ISM1: variants seen among roughly 807,000 people sequenced by gnomAD.
The protein encoded by ISM1 is isthmin-1.
ISM1 carries 25 observed loss-of-function variants against 46.3 expected under a neutral mutation model. The observed-to-expected ratio is 0.54, with a 90% confidence interval of 0.39 to 0.75. The LOEUF is 0.75. ISM1 is among the 30% of genes least tolerant of loss of function. The pLI is 0.00. For synonymous variants in ISM1, 255 were observed against 256.7 expected (o/e 0.99, Z 0.06); for missense variants, 536 against 625.4 (o/e 0.86, Z 1.52).
chr20:13,251,015 T>G (rs2039862751), intron 1 of ISM1, among the ~76,000 whole-genome samples: 1 of 152,224 alleles, frequency 6.6e-6, no homozygotes, highest in Non-Finnish European at 1.5e-5. Flanking sequence ...ATTTTATAAC[T>G]TATGACCATT....
In ISM1 at chr20:13,247,291, G is replaced by C. The variant is rs182160602; in HGVS notation, c.139-23213G>C. Among the ~76,000 whole-genome samples the C allele has an allele frequency of 5.9e-5, 9 of 152,144 alleles. No homozygotes were observed. In the East Asian group the frequency reaches 1.5e-3, roughly 26 times the overall value. ...AGAGGGCCTGGGTCTGCAATTTCTT[G>C]TTCTTCTGTGAAGTAAACTTTTCAA... is the stretch of plus-strand genomic sequence containing the variant. On this transcript the variant is annotated intron_variant, in intron 1 of 5. Coordinates refer to ENST00000262487, the MANE Select transcript of ISM1 (RefSeq NM_080826.2).
At chr20:13,258,089 T>C (rs962574547) in intron 1 of ISM1, among the ~76,000 whole-genome samples, 1 of 152,162 alleles carries the variant, frequency 6.6e-6, no homozygotes, top group African/African-American at 2.4e-5. Flanking sequence ...GGTGGTATTA[T>C]AGCTGCTATT....
chr20:13,299,403 G>A lies in ISM1; in HGVS notation c.1339G>A (p.Glu447Lys). The change falls in exon 6 of 6, where the codon GAG (glutamate) becomes AAG (lysine). Residue 447 changes from glutamate (E) to lysine (K), a missense_variant. Coordinates refer to ENST00000262487, the MANE Select transcript of ISM1 (RefSeq NM_080826.2). This position sits in a 1 kb window ranked among gnomAD's most constrained non-coding sequence, Gnocchi z 5.8. ...TCCCAACAACGGACAGAAGTGCACA[G>A]AGAGCCCCTCGGACGAGGACTACAT... Reference protein sequence around the residue: ...RPPNNGQKCTESPSDEDYIKQ... With the variant: ...RPPNNGQKCTKSPSDEDYIKQ... The A allele has an allele frequency of 1.2e-6, 2 of 1,612,632 alleles. No homozygotes were observed. Among genetic ancestry groups the A allele is most frequent in the Non-Finnish European group, 1.7e-6 (2 of 1,179,862 alleles).
intron 2 of ISM1, among the ~76,000 whole-genome samples, chr20:13,276,621 G>A (rs2040183068): frequency 6.6e-6 from 1 of 152,184 alleles, no homozygotes; most frequent in Non-Finnish European, 1.5e-5. Context: ...CTTCAATTAT[G>A]TGTGTTAAGG....
At chr20:13,284,995 A>C (rs536311630) in intron 3 of ISM1, among the ~76,000 whole-genome samples, 1 of 152,018 alleles carries the variant, frequency 6.6e-6, no homozygotes, top group Admixed American at 6.6e-5. Flanking sequence ...TGCTTAGAAA[A>C]CCACCCCCAG....
the ISM1 span, among the ~76,000 whole-genome samples, chr20:13,323,732 G>A: frequency 1.1e-3 from 170 of 152,230 alleles, no homozygotes; most frequent in Admixed American, 1.8e-3. Flanking sequence ...GTTCTTAAAT[G>A]AGAGTATTTA....
intron 2 of ISM1, among the ~76,000 whole-genome samples, chr20:13,274,259 T>C (rs1291529686): frequency 2.0e-5 from 3 of 152,128 alleles, no homozygotes; most frequent in African/African-American, 7.2e-5. Context: ...CTCAGAGCAC[T>C]GTTCTTTTGT....
chr20:13,256,091 T>G (rs544542495), intron 1 of ISM1, among the ~76,000 whole-genome samples: 1 of 152,206 alleles, frequency 6.6e-6, no homozygotes, highest in African/African-American at 2.4e-5. Context: ...TTGTGCCACC[T>G]TCCTCTTCAA....
chr20:13,245,917 C>G (rs978543383), intron 1 of ISM1, among the ~76,000 whole-genome samples: 1 of 152,176 alleles, frequency 6.6e-6, no homozygotes, highest in Non-Finnish European at 1.5e-5. Context: ...TTGTACCCGC[C>G]CACTCCGATG....
chr20:13,271,951 T>A (rs2040120301), intron 2 of ISM1, among the ~76,000 whole-genome samples: 1 of 152,076 alleles, frequency 6.6e-6, no homozygotes, highest in Non-Finnish European at 1.5e-5. Flanking sequence ...GCTCATTTTT[T>A]AATTTTTTGT....
the ISM1 span, among the ~76,000 whole-genome samples, chr20:13,307,639 C>G: frequency 6.6e-6 from 1 of 152,184 alleles, no homozygotes; most frequent in Non-Finnish European, 1.5e-5. Context: ...GAATTTTACA[C>G]CAGATTAGTT....
chr20:13,309,673 G>A, the ISM1 span, among the ~76,000 whole-genome samples: 1 of 152,110 alleles, frequency 6.6e-6, no homozygotes, highest in East Asian at 1.9e-4. Flanking sequence ...GTTTGCAGAT[G>A]GTATTATCTT....
chr20:13,301,925 T>C (rs1029979123), downstream of ISM1, among the ~76,000 whole-genome samples: 2 of 152,112 alleles, frequency 1.3e-5, no homozygotes, highest in African/African-American at 4.8e-5. Context: ...GAAGTATCTG[T>C]TGGTTCTAAT....
intron 4 of ISM1, among the ~76,000 whole-genome samples, chr20:13,290,320 C>T (rs569543812): frequency 9.2e-5 from 14 of 152,044 alleles, no homozygotes; most frequent in Admixed American, 8.5e-4. Flanking sequence ...ATGAAGTAAA[C>T]GAAAATAATG....
chr20:13,230,283 G>A (rs2039574385), intron 1 of ISM1, among the ~76,000 whole-genome samples: 1 of 152,074 alleles, frequency 6.6e-6, no homozygotes, highest in South Asian at 2.1e-4. Flanking sequence ...TTAATTTCAT[G>A]TTCACTTTGT....
intron 1 of ISM1, among the ~76,000 whole-genome samples, chr20:13,256,772 A>C (rs1225708783): frequency 6.6e-6 from 1 of 152,218 alleles, no homozygotes; most frequent in Non-Finnish European, 1.5e-5. Flanking sequence ...GCAGGATTCC[A>C]AACCTCAGTT....
At chr20:13,231,574 C>T (rs2039588647) in intron 1 of ISM1, among the ~76,000 whole-genome samples, 1 of 152,160 alleles carries the variant, frequency 6.6e-6, no homozygotes, top group South Asian at 2.1e-4. Flanking sequence ...CAGCACGTGT[C>T]CCTGGAAAGT....
chr20:13,316,792 C>T, the ISM1 span, among the ~76,000 whole-genome samples: 2 of 151,336 alleles, frequency 1.3e-5, no homozygotes, highest in Non-Finnish European at 3.0e-5. Context: ...ACTTCCTCAA[C>T]TTGATAAAGA....
At chr20:13,278,220 A>T (rs2040202326) in intron 2 of ISM1, among the ~76,000 whole-genome samples, 1 of 152,164 alleles carries the variant, frequency 6.6e-6, no homozygotes, top group South Asian at 2.1e-4. Context: ...GTCTCTTGGA[A>T]CCAAGAAGCT....
Sources: allele counts gnomAD v4.1 joint callset (sites outside exome capture counted in the v4.1 genomes callset), GRCh38; gene constraint gnomAD v4.1.1; non-coding constraint Gnocchi (gnomAD v3.1); transcripts MANE v1.5; gene names NCBI Gene and HGNC (gene_info 2026-07-23, HGNC 2026-07-21).